The following AVEN variants were observed in gnomAD, a reference collection of about 807,000 sequenced individuals.
The protein encoded by AVEN is cell death regulator Aven.
Under a neutral mutation model 38.1 loss-of-function variants are expected in AVEN, and 41 were observed. That is an observed-to-expected ratio of 1.08 (90% CI 0.84 to 1.40). AVEN has a LOEUF of 1.40. Among genes scored for constraint, AVEN ranks in the 40% most tolerant of loss-of-function variants. The pLI, the probability that AVEN is intolerant of heterozygous loss-of-function variation, is 0.00. For synonymous variants in AVEN, 206 were observed against 171.8 expected, an observed-to-expected ratio of 1.20 and a Z score of -1.56; for missense variants, 605 against 438.8, an observed-to-expected ratio of 1.38 and a Z score of -3.38.
rs1410624797 is a variant in AVEN, at chr15:34,039,021, C to G, written c.26G>C (p.Gly9Ala). Reference sequence around the variant, plus strand: ...GCGGCCTGGCCGCCGCCCACGGCCTCCCCGAGCTCCTCGCTCCGCCTGCAT... The same window carrying G: ...GCGGCCTGGCCGCCGCCCACGGCCTGCCCGAGCTCCTCGCTCCGCCTGCAT... MQAERGAR[G>A]GRGRRPGRGR... is the part of the protein sequence containing the mutation. Residue 9 changes from glycine to alanine, a missense_variant, in exon 1 of 6, where the codon GGA becomes GCA. Gly to Ala is a moderately conservative substitution (Grantham distance 60, BLOSUM62 0). Coordinates refer to ENST00000306730, the MANE Select transcript of AVEN (RefSeq NM_020371.3). The G allele has an allele frequency of 8.9e-7, 1 of 1,122,826 alleles. No individual in the cohort carries two copies. Among genetic ancestry groups the G allele is most frequent in the Non-Finnish European group, 1.1e-6 (1 of 919,996 alleles). The allele number at this position is 1,122,826 out of a possible 1,614,324, so 69.6% of individuals were successfully genotyped here.
intron 2 of AVEN, among the ~76,000 whole-genome samples, chr15:33,895,945 A>G (rs1439860710): frequency 6.6e-6 from 1 of 152,138 alleles, no homozygotes; most frequent in Non-Finnish European, 1.5e-5. Context: ...ATGCCTCCTA[A>G]CGCATAAGGC....
Position 33,866,427 on chromosome 15 carries a change from C to G in AVEN, c.*186G>C. 2 of 587,318 alleles carry G rather than the reference C, an allele frequency of 3.4e-6. No homozygotes were observed. The highest frequency in any genetic ancestry group is 3.2e-5 in the Admixed American group (1 of 31,100). The allele number at this position is 587,318 out of a possible 1,614,324, so 36.4% of individuals were successfully genotyped here. ...GATTACTAAGCCAGAAAAACAAATG[C>G]AACAAGCTGCTTCAATGTATTCTTT... On this transcript the variant is annotated 3_prime_UTR_variant, in exon 6 of 6. Transcript: ENST00000306730.
intron 2 of AVEN, among the ~76,000 whole-genome samples, chr15:33,885,254 T>C (rs1004408328): frequency 6.6e-6 from 1 of 152,172 alleles, no homozygotes; most frequent in African/African-American, 2.4e-5. Context: ...CTCTTTCATT[T>C]CTCTGAACTT....
chr15:33,868,383 CA>C (rs1011311790), intron 4 of AVEN, among the ~76,000 whole-genome samples: 6 of 149,390 alleles, frequency 4.0e-5, no homozygotes, highest in Non-Finnish European at 8.9e-5. Context: ...AACAAACAAA[CA>C]AAAAACAAAA....
At chr15:33,876,398 C>T (rs1473904177) in intron 2 of AVEN, among the ~76,000 whole-genome samples, 1 of 151,984 alleles carries the variant, frequency 6.6e-6, no homozygotes, top group African/African-American at 2.4e-5. Context: ...ATAGTGAAAC[C>T]GTGTCTCTAC....
chr15:34,065,610 A>AT (rs1900489878), intron 4 of AVEN: 1 of 152,254 alleles, frequency 6.6e-6, no homozygotes, highest in African/African-American at 2.4e-5. Flanking sequence ...TGAAAGCTTC[A>AT]TTTTTAAAAA....
chr15:33,871,152 C>T (rs921710858), intron 3 of AVEN, 122 bp from the exon 4 acceptor site: 5 of 531,870 alleles, frequency 9.4e-6, no homozygotes, highest in Admixed American at 4.1e-5. Flanking sequence ...TCACACCATA[C>T]ATCACACTTA....
At chr15:33,970,405 A>T (rs942375570) in intron 2 of AVEN, among the ~76,000 whole-genome samples, 1 of 152,006 alleles carries the variant, frequency 6.6e-6, no homozygotes, top group Non-Finnish European at 1.5e-5. Context: ...ACAAGTAGTG[A>T]TTATCTAATA....
At chr15:33,853,765 G>C in the AVEN span, 1 of 1,521,142 alleles carries the variant, frequency 6.6e-7, no homozygotes, top group Non-Finnish European at 8.9e-7. Context: ...TCACAACCGT[G>C]TCTTTGTTCT....
chr15:34,057,213 A>G (rs1425688962), intron 5 of AVEN, among the ~76,000 whole-genome samples: 2 of 151,118 alleles, frequency 1.3e-5, no homozygotes, highest in Admixed American at 6.6e-5. Context: ...GGCTCACTGC[A>G]GCAACCTCGG....
chr15:33,864,041 G>C (rs1889509861), downstream of AVEN: 1 of 835,852 alleles, frequency 1.2e-6, no homozygotes, highest in Admixed American at 2.1e-5. Context: ...GATAGCGTGG[G>C]ACCAACTAGC....
intron 2 of AVEN, among the ~76,000 whole-genome samples, chr15:33,899,892 C>T (rs1372965407): frequency 6.6e-6 from 1 of 151,790 alleles, no homozygotes; most frequent in Non-Finnish European, 1.5e-5. Flanking sequence ...CGTACCAACT[C>T]ATTCTTTTAG....
rs973064672 is a variant in AVEN, at chr15:33,875,934, A to C, written c.507T>G (p.Cys169Trp). Reference protein sequence around the residue: ...EEKEWDSEASCPKQNSAFYVD... With the variant: ...EEKEWDSEASWPKQNSAFYVD... ...ACAACTCTTATCTTACCTGTTTTGGACAAGAAGCTTCACTATCCCATTCTT... is the reference window on the plus strand; with the variant it reads ...ACAACTCTTATCTTACCTGTTTTGGCCAAGAAGCTTCACTATCCCATTCTT... The change falls in exon 3 of 6, where the codon TGT (cysteine) becomes TGG (tryptophan). Residue 169 changes from cysteine (C) to tryptophan (W), a missense_variant. Cys to Trp is a radical substitution (Grantham distance 215). Transcript: ENST00000306730. 2.5e-6 allele frequency: 4 copies of C among 1,613,780 alleles called. No individual in the cohort carries two copies. Among genetic ancestry groups the C allele is most frequent in the Non-Finnish European group, 3.4e-6 (4 of 1,179,800 alleles).
intron 1 of AVEN, among the ~76,000 whole-genome samples, chr15:34,010,936 T>G (rs1014835150): frequency 6.6e-6 from 1 of 152,228 alleles, no homozygotes; most frequent in Non-Finnish European, 1.5e-5. Context: ...CAACTTACAC[T>G]ACTTTTTTCA....
intron 2 of AVEN, among the ~76,000 whole-genome samples, chr15:33,884,031 T>C (rs1179635311): frequency 1.3e-5 from 2 of 152,160 alleles, no homozygotes; most frequent in Non-Finnish European, 2.9e-5. Context: ...TTTTTTAACT[T>C]TGCTTCTCCA....
chr15:33,953,661 T>C (rs1273676119), intron 2 of AVEN, among the ~76,000 whole-genome samples: 1 of 152,178 alleles, frequency 6.6e-6, no homozygotes, highest in Non-Finnish European at 1.5e-5. Flanking sequence ...AAGACTTAAA[T>C]GTTAGACCTA....
chr15:33,887,741 C>T (rs73375714), intron 2 of AVEN, among the ~76,000 whole-genome samples: 11,050 of 152,142 alleles, frequency 0.073, 555 homozygotes, highest in South Asian at 0.15. Context: ...GTCACATTCT[C>T]TCCCTTTATT....
intron 1 of AVEN, among the ~76,000 whole-genome samples, chr15:34,024,574 C>CA (rs1382419274): frequency 1.3e-5 from 2 of 151,700 alleles, no homozygotes; most frequent in Non-Finnish European, 2.9e-5. Flanking sequence ...AAAGGAAGGC[C>CA]AGGCACAGTG....
chr15:33,918,406 A>G (rs1413108021), intron 2 of AVEN, among the ~76,000 whole-genome samples: 1 of 151,916 alleles, frequency 6.6e-6, no homozygotes, highest in Non-Finnish European at 1.5e-5. Flanking sequence ...TGTCAAAGAA[A>G]AGCATTTCAT....
Sources: gnomAD v4.1 joint callset for allele counts (sites outside exome capture counted in the v4.1 genomes callset) on GRCh38, gnomAD v4.1.1 for gene constraint, MANE v1.5 for transcripts, NCBI Gene and HGNC (gene_info 2026-07-23, HGNC 2026-07-21) for gene names.